The following SLC49A3 variants were observed in gnomAD, a reference collection of about 807,000 sequenced individuals.
The protein encoded by SLC49A3 is solute carrier family 49 member 3, also known as solute carrier family 49 member A3.
A neutral mutation model predicts 43.8 loss-of-function variants in SLC49A3; 50 were observed. The ratio of observed to expected loss-of-function variants is 1.14; its 90% CI spans 0.91 to 1.45. SLC49A3 has a LOEUF of 1.45. SLC49A3 is among the 40% of genes most tolerant of loss of function. The probability of loss-of-function intolerance (pLI) is 0.00; values close to 1 mark genes in which losing one functional copy is unlikely to be tolerated. For synonymous variants in SLC49A3, 413 were observed against 352.0 expected, an observed-to-expected ratio of 1.17 and a Z score of -1.94; for missense variants, 906 against 774.1, an observed-to-expected ratio of 1.17 and a Z score of -2.02.
chr4:679,054 C>T (rs777479919), downstream of SLC49A3: 1 of 1,608,334 alleles, frequency 6.2e-7, no homozygotes, highest in Admixed American at 1.7e-5. Context: ...AGGCAGAACG[C>T]CTCAGAGCCC....
chr4:682,822 A>G lies in SLC49A3; in HGVS notation c.1220T>C (p.Leu407Ser). 1 of 1,603,492 alleles carries G rather than the reference A, an allele frequency of 6.2e-7. No individual in the cohort carries two copies. Residue 407 changes from leucine (L) to serine (S), a missense_variant, in exon 9 of 10, where the codon TTG (leucine) becomes TCG (serine). Physicochemically the swap from Leu to Ser is moderately radical, Grantham distance 145. Coordinates refer to ENST00000322224, the MANE Select transcript of SLC49A3 (RefSeq NM_032219.4). ...ALTVRRSEPS[L>S]STCQQGEDPL... ...ATCCTCCCCCTGCTGGCAGGTGGAC[A>G]AGGACGGCTCCGAGCGTCGCACAGT...
Position 683,262 on chromosome 4 carries a change from A to G in SLC49A3, c.1099T>C (p.Cys367Arg). ...GPVAMELAVECSFPVGEGAAT... is the reference protein window; with the variant it reads ...GPVAMELAVERSFPVGEGAAT... ...GCCCCCTCCCCCACGGGGAAGGAAC[A>G]CTCGACCGCCAACTCCATGGCCACG... is the stretch of plus-strand genomic sequence containing the variant. The change falls in exon 8 of 10, where the codon TGT becomes CGT. Residue 367 changes from cysteine (C) to arginine (R), a missense_variant. By Grantham distance (180) the Cys-to-Arg change is radical (BLOSUM62 -3). Coordinates refer to ENST00000322224, the MANE Select transcript of SLC49A3 (RefSeq NM_032219.4). 1 of 1,612,614 alleles carries G rather than the reference A, an allele frequency of 6.2e-7. No homozygotes were observed. The highest frequency in any genetic ancestry group is 1.1e-5 in the South Asian group (1 of 91,070).
Position 683,659 on chromosome 4 carries a change from T to C in SLC49A3, c.943A>G (p.Thr315Ala). The change falls in exon 7 of 10, where the codon ACC (threonine) becomes GCC (alanine). Residue 315 changes from threonine (T) to alanine (A), a missense_variant. Coordinates refer to ENST00000322224, the MANE Select transcript of SLC49A3 (RefSeq NM_032219.4). The part of the protein sequence containing the change: ...VDRTKHFTEA[T>A]KIGLCLFSLA... ...GAGAACAGGCACAGGCCAATCTTGG[T>C]GGCCTCAGTGAAGTGCTTGGTCCGG... The C allele has an allele frequency of 2.5e-6, 4 of 1,611,878 alleles. No homozygotes were observed. The highest frequency in any genetic ancestry group is 3.4e-6 in the Non-Finnish European group (4 of 1,179,524).
At chr4:679,052 C>T (rs200461557), downstream of SLC49A3, 319 of 1,605,638 alleles carry the variant, frequency 2.0e-4, no homozygotes, top group African/African-American at 7.5e-4. Flanking sequence ...CCAGGCAGAA[C>T]GCCTCAGAGC....
downstream of SLC49A3, chr4:678,920 C>CGGGT (rs1237326905): frequency 1.1e-5 from 17 of 1,611,624 alleles, no homozygotes; most frequent in Non-Finnish European, 1.4e-5. Flanking sequence ...AGAGCCCAGC[C>CGGGT]GGGTTGGCAG....
At chr4:688,481 C>T (rs1401905028) in intron 1 of SLC49A3, among the ~76,000 whole-genome samples, 3 of 152,166 alleles carry the variant, frequency 2.0e-5, no homozygotes, top group African/African-American at 7.2e-5. Context: ...CCTGAGGCTC[C>T]GGGGGATGGC....
At chr4:683,544 GCCCTCTCCGGGCCTCACCACCCA>G in intron 7 of SLC49A3, 42 bp downstream of exon 7, 9 of 1,546,124 alleles carry the variant, frequency 5.8e-6, no homozygotes, top group African/African-American at 1.4e-5. Context: ...GCCGCCAACC[GCCCTCTCCGGGCCTCACCACCCA>G]CCCACCCCCA....
chr4:688,776 A>G, intron 1 of SLC49A3: 1 of 613,882 alleles, frequency 1.6e-6, no homozygotes, highest in Non-Finnish European at 2.5e-6. Flanking sequence ...TGACTGGCAG[A>G]TCCCCCGGGG....
At position 686,626 on chromosome 4, in the gene SLC49A3, T is replaced by G. The variant is rs748961018; in HGVS notation, c.200A>C (p.Gln67Pro). ...IAEDLVLSME[Q>P]INWLSLVYLV... is the part of the protein sequence containing the mutation. ...GTAGACCAGTGACAGCCAGTTGATC[T>G]GCTCCATGGACAGGACCAAGTCCTC... is the stretch of plus-strand genomic sequence containing the variant. The change falls in exon 2 of 10, where the codon CAG (glutamine) becomes CCG (proline). Residue 67 changes from glutamine to proline, a missense_variant. Physicochemically the swap from Gln to Pro is moderately conservative, Grantham distance 76. Transcript: ENST00000322224. 6 of 1,613,250 alleles carry G rather than the reference T, an allele frequency of 3.7e-6. No individual in the cohort carries two copies. The highest frequency in any genetic ancestry group is 4.5e-5 in the East Asian group (2 of 44,890).
chr4:684,977 A>C, intron 4 of SLC49A3, 121 bp from the exon 5 acceptor site: 2 of 1,358,358 alleles, frequency 1.5e-6, no homozygotes, highest in South Asian at 1.4e-5. Flanking sequence ...CTGCCTCCCA[A>C]CCTCTGGTCT....
chr4:685,233 C>A lies in SLC49A3; in HGVS notation c.586-377G>T, dbSNP rs1740750974. ...CACGCTCAGTACATACCCCCAAGCA[C>A]AAACACACCACCCGCACCTGATACA... On this transcript the variant is annotated intron_variant, in intron 4 of 9. Coordinates refer to ENST00000322224, the MANE Select transcript of SLC49A3 (RefSeq NM_032219.4). The surrounding 1 kb of genome is among the most constrained non-coding windows in gnomAD (Gnocchi z 4.3). The A allele has an allele frequency of 3.0e-6, 1 of 337,210 alleles. No individual in the cohort carries two copies. Among genetic ancestry groups the A allele is most frequent in the Non-Finnish European group, 5.5e-6 (1 of 180,460 alleles). 20.9% of individuals were successfully genotyped at this position (337,210 alleles called of 1,614,324 possible).
chr4:683,509 C>G (rs969696547), intron 7 of SLC49A3, 100 bp downstream of exon 7: 1 of 1,492,644 alleles, frequency 6.7e-7, no homozygotes, highest in Admixed American at 2.3e-5. Context: ...GGGCATGAGA[C>G]AGTCCAGACC....
At position 682,850 on chromosome 4, in the gene SLC49A3, G is replaced by GTGCCGTCAT; in HGVS notation, c.1183_1191dup (p.Met395_Ala397dup). 6.2e-7 allele frequency: 1 copy of GTGCCGTCAT among 1,604,774 alleles called. No homozygotes were observed. The highest frequency in any genetic ancestry group is 8.5e-7 in the Non-Finnish European group (1 of 1,174,416). Reference sequence around the variant, plus strand: ...GACGGCTCCGAGCGTCGCACAGTCAGTGCCGTCATTGCCAGCATGATGAGT... The same window carrying GTGCCGTCAT: ...GACGGCTCCGAGCGTCGCACAGTCAGTGCCGTCATTGCCGTCATTGCCAGCATGATGAGT... On this transcript the variant is annotated inframe_insertion, in exon 9 of 10. Transcript: ENST00000322224.
At position 683,556 on chromosome 4, in the gene SLC49A3, C is replaced by CTGA. The variant is rs1002548989; in HGVS notation, c.993+52_993+53insTCA. Reference sequence around the variant, plus strand: ...CAAGCCGCCAACCGCCCTCTCCGGGCCTCACCACCCACCCACCCCCACAGG... The same window carrying CTGA: ...CAAGCCGCCAACCGCCCTCTCCGGGCTGACTCACCACCCACCCACCCCCACAGG... On this transcript the variant is annotated intron_variant, in intron 7 of 9. Transcript: ENST00000322224. The CTGA allele has an allele frequency of 1.1e-5, 18 of 1,570,432 alleles. No individual in the cohort carries two copies. In the African/African-American group the frequency reaches 2.2e-4, roughly 19 times the overall value.
At chr4:679,061 GC>G (rs1193916297), downstream of SLC49A3, 1 of 1,602,002 alleles carries the variant, frequency 6.2e-7, no homozygotes, top group Non-Finnish European at 8.5e-7. Context: ...ACGCCTCAGA[GC>G]CCTTGGAGGA....
Position 682,083 on chromosome 4 carries a change from G to GC in SLC49A3, c.1554dup (p.Gln519AlafsTer26), listed in dbSNP as rs747814590. On this transcript the variant is annotated frameshift_variant, in exon 10 of 10. Coordinates refer to ENST00000322224, the MANE Select transcript of SLC49A3 (RefSeq NM_032219.4). LOFTEE classifies it low-confidence loss of function (END_TRUNC). ...GGCGCGTCGGTGGCTGCTGGGCCTTGCGCACGGGGAGTCGCTCGGTGGCAG... is the reference window on the plus strand; with the variant it reads ...GGCGCGTCGGTGGCTGCTGGGCCTTGCCGCACGGGGAGTCGCTCGGTGGCAG... 7.1e-7 allele frequency: 1 copy of GC among 1,399,998 alleles called. No homozygotes were observed. Among genetic ancestry groups the GC allele is most frequent in the Non-Finnish European group, 9.4e-7 (1 of 1,065,786 alleles). The allele number at this position is 1,399,998 out of a possible 1,614,324, so 86.7% of individuals were successfully genotyped here.
chr4:677,921 G>A, downstream of SLC49A3: 1 of 1,592,662 alleles, frequency 6.3e-7, no homozygotes, highest in South Asian at 1.1e-5. Flanking sequence ...TGTCCTTGTA[G>A]GGAGTGGCAG....
chr4:680,723 C>T (rs1045237382), downstream of SLC49A3: 14 of 889,794 alleles, frequency 1.6e-5, no homozygotes, highest in East Asian at 2.1e-4. Context: ...CCATGAGGAG[C>T]GAACCCAGGA....
At chr4:681,277 C>G, downstream of SLC49A3, 5 of 984,752 alleles carry the variant, frequency 5.1e-6, no homozygotes, top group Non-Finnish European at 7.5e-6. Flanking sequence ...CCGGGGGGCT[C>G]CCGAAGTGCC....
Sources: allele counts gnomAD v4.1 joint callset (sites outside exome capture counted in the v4.1 genomes callset), GRCh38; gene constraint gnomAD v4.1.1; non-coding constraint Gnocchi (gnomAD v3.1); transcripts MANE v1.5; gene names NCBI Gene and HGNC (gene_info 2026-07-23, HGNC 2026-07-21).